The following EFNB3 variants were observed in gnomAD, a reference collection of about 807,000 sequenced individuals.
The protein encoded by EFNB3 is ephrin B3, also known as ephrin-B3.
In EFNB3, 14 loss-of-function variants were observed where a neutral mutation model predicts 29.8. That is an observed-to-expected ratio of 0.47 (90% CI 0.31 to 0.73). EFNB3 has a LOEUF of 0.73. EFNB3 is among the 30% of genes least tolerant of loss of function. EFNB3 has a pLI of 0.05. For missense variants in EFNB3, 408 were observed against 458.0 expected (o/e 0.89, Z 1.00); for synonymous variants, 216 against 191.6 (o/e 1.13, Z -1.05).
rs772626898 is a variant in EFNB3, at chr17:7,708,560, G to A, written c.508+33G>A. The A allele has an allele frequency of 8.7e-6, 14 of 1,607,066 alleles. 1 individual carries two copies. Among genetic ancestry groups the A allele is most frequent in the South Asian group, 1.1e-5 (1 of 89,746 alleles). On this transcript the variant is annotated intron_variant, in intron 3 of 4. Coordinates refer to ENST00000226091, the MANE Select transcript of EFNB3 (RefSeq NM_001406.4). This position sits in a 1 kb window ranked among gnomAD's most constrained non-coding sequence, Gnocchi z 6.8. ...GGGCTGGGGGACACCTCCTGGGCAC[G>A]AAGGGACGTTGGGGCAGTACGATCA... is the stretch of plus-strand genomic sequence containing the variant.
intron 1 of EFNB3, 96 bp from the exon 2 acceptor site, chr17:7,707,862 T>C: frequency 7.2e-7 from 1 of 1,398,228 alleles, no homozygotes; most frequent in South Asian, 1.4e-5. Flanking sequence ...GAGCTGAGAA[T>C]TGCTGTCCTG....
rs1304772158 is a variant in EFNB3, at chr17:7,709,146, CCTT to C, written c.614-19_614-17del. The C allele has an allele frequency of 1.3e-6, 2 of 1,593,046 alleles. No individual in the cohort carries two copies. Among genetic ancestry groups the C allele is most frequent in the Admixed American group, 1.8e-5 (1 of 56,588 alleles). On this transcript the variant is annotated intron_variant, in intron 4 of 4. Transcript: ENST00000226091. The surrounding 1 kb of genome is among the most constrained non-coding windows in gnomAD (Gnocchi z 4.5). ...CCTTCAGTCCCTCCCCCTCTTTCCT[CCTT>C]CACCCCTTCCCTGCCAGGTGACCCC...
chr17:7,709,252 G>A lies in EFNB3; in HGVS notation c.699G>A (p.Gly233=), dbSNP rs968731035. ...TGCCTGCAGTGGCTGGGGCAGCAGG[G>A]GGGCTGGCGCTGCTCTTGCTGGGCG... The part of the protein sequence containing the change: ...PSMPAVAGAA[G]GLALLLLGVA... Residue 233 remains glycine, a synonymous_variant, in exon 5 of 5, where the codon GGG becomes GGA. Coordinates refer to ENST00000226091, the MANE Select transcript of EFNB3 (RefSeq NM_001406.4). This position sits in a 1 kb window ranked among gnomAD's most constrained non-coding sequence, Gnocchi z 4.5. The A allele has an allele frequency of 1.3e-6, 2 of 1,593,798 alleles. No individual in the cohort carries two copies. The highest frequency in any genetic ancestry group is 8.5e-7 in the Non-Finnish European group (1 of 1,174,332).
intron 1 of EFNB3, among the ~76,000 whole-genome samples, chr17:7,706,413 T>C (rs574332591): frequency 3.3e-5 from 5 of 152,194 alleles, no homozygotes; most frequent in Non-Finnish European, 7.4e-5. Context: ...CCCCCAATCT[T>C]TGCTGCAAAC....
chr17:7,708,671 C>T lies in EFNB3; in HGVS notation c.545C>T (p.Ser182Phe). The change falls in exon 4 of 5, where the codon TCT becomes TTT. Residue 182 changes from serine (S) to phenylalanine (F), a missense_variant. By Grantham distance (155) the Ser-to-Phe change is radical (BLOSUM62 -2). Coordinates refer to ENST00000226091, the MANE Select transcript of EFNB3 (RefSeq NM_001406.4). The surrounding 1 kb of genome is among the most constrained non-coding windows in gnomAD (Gnocchi z 6.8). ...GGGGCTGTCCCCCGAAAACCTGTGT[C>T]TGAAATGCCCATGGAAAGAGACCGA... ...RGGAVPRKPV[S>F]EMPMERDRGA... 1 of 1,581,278 alleles carries T rather than the reference C, an allele frequency of 6.3e-7. No individual in the cohort carries two copies. Among genetic ancestry groups the T allele is most frequent in the South Asian group, 1.2e-5 (1 of 86,504 alleles).
chr17:7,706,556 C>G (rs757195818), intron 1 of EFNB3, among the ~76,000 whole-genome samples: 4 of 152,162 alleles, frequency 2.6e-5, no homozygotes, highest in African/African-American at 9.7e-5. Flanking sequence ...TGCCTACATG[C>G]GGATCCCACT....
In EFNB3 at chr17:7,708,106, C is replaced by G; in HGVS notation, c.271C>G (p.Arg91Gly). ...LYLVGGAQGR[R>G]CEAPPAPNLL... Reference sequence around the variant, plus strand: ...CCTGGTAGGGGGTGCTCAGGGCCGGCGCTGTGAGGCACCCCCTGCCCCAAA... The same window carrying G: ...CCTGGTAGGGGGTGCTCAGGGCCGGGGCTGTGAGGCACCCCCTGCCCCAAA... Residue 91 changes from arginine (R) to glycine (G), a missense_variant, in exon 2 of 5, where the codon CGC becomes GGC. Coordinates refer to ENST00000226091, the MANE Select transcript of EFNB3 (RefSeq NM_001406.4). The surrounding 1 kb of genome is among the most constrained non-coding windows in gnomAD (Gnocchi z 6.8). The G allele has an allele frequency of 6.2e-7, 1 of 1,614,096 alleles. No individual in the cohort carries two copies. Among genetic ancestry groups the G allele is most frequent in the Non-Finnish European group, 8.5e-7 (1 of 1,180,010 alleles).
chr17:7,709,077 C>T lies in EFNB3; in HGVS notation c.614-90C>T, dbSNP rs2074338701. On this transcript the variant is annotated intron_variant, in intron 4 of 4. Coordinates refer to ENST00000226091, the MANE Select transcript of EFNB3 (RefSeq NM_001406.4). This position sits in a 1 kb window ranked among gnomAD's most constrained non-coding sequence, Gnocchi z 4.5. ...GGGGCCTGGGCGCTACAAGGGAAGC[C>T]CATGGGGACCCCCAGGGTTGGGTGT... 1.5e-6 allele frequency: 2 copies of T among 1,343,044 alleles called. No homozygotes were observed. The highest frequency in any genetic ancestry group is 5.0e-4 in the Middle Eastern group (2 of 3,974). 83.2% of individuals were successfully genotyped at this position (1,343,044 alleles called of 1,614,324 possible).
chr17:7,706,218 C>G (rs2074327274), intron 1 of EFNB3, among the ~76,000 whole-genome samples: 1 of 151,188 alleles, frequency 6.6e-6, no homozygotes, highest in Non-Finnish European at 1.5e-5. Flanking sequence ...CTCCTTGACT[C>G]TCTTCACAGT....
At position 7,709,538 on chromosome 17, in the gene EFNB3, C is replaced by T. The variant is rs532773147; in HGVS notation, c.985C>T (p.Pro329Ser). ...TCCTGTGTATATCGTGCAGGATGGG[C>T]CCCCCCAGAGCCCTCCAAACATCTA... ...GHPVYIVQDGPPQSPPNIYYK... is the reference protein window; with the variant it reads ...GHPVYIVQDGSPQSPPNIYYK... The change falls in exon 5 of 5, where the codon CCC (proline) becomes TCC (serine). Residue 329 changes from proline (P) to serine (S), a missense_variant. Coordinates refer to ENST00000226091, the MANE Select transcript of EFNB3 (RefSeq NM_001406.4). The surrounding 1 kb of genome is among the most constrained non-coding windows in gnomAD (Gnocchi z 4.5). The T allele has an allele frequency of 5.9e-5, 96 of 1,613,530 alleles. 1 individual carries two copies. Among genetic ancestry groups the T allele is most frequent in the Admixed American group, 5.5e-4 (33 of 59,972 alleles).
chr17:7,705,891 C>T lies in EFNB3; in HGVS notation c.122+171C>T, dbSNP rs2074326154. Among the ~76,000 whole-genome samples, 1 of 151,474 alleles carries T rather than the reference C, an allele frequency of 6.6e-6. No homozygotes were observed. Among genetic ancestry groups the T allele is most frequent in the South Asian group, 2.1e-4 (1 of 4,774 alleles). ...TGATCTTGGGAGCCAGACTCCGGGT[C>T]CCACGCAGAGCTGGATGCGGGTGGT... On this transcript the variant is annotated intron_variant, in intron 1 of 4. Coordinates refer to ENST00000226091, the MANE Select transcript of EFNB3 (RefSeq NM_001406.4). The surrounding 1 kb of genome is among the most constrained non-coding windows in gnomAD (Gnocchi z 5.4).
At position 7,709,561 on chromosome 17, in the gene EFNB3, C is replaced by G. The variant is rs1234212630; in HGVS notation, c.1008C>G (p.Ile336Met). 6.2e-7 allele frequency: 1 copy of G among 1,613,970 alleles called. No individual in the cohort carries two copies. The highest frequency in any genetic ancestry group is 1.7e-5 in the Admixed American group (1 of 60,010). The change falls in exon 5 of 5, where the codon ATC becomes ATG. Residue 336 changes from isoleucine to methionine, a missense_variant. By Grantham distance (10) the Ile-to-Met change is conservative. Coordinates refer to ENST00000226091, the MANE Select transcript of EFNB3 (RefSeq NM_001406.4). The surrounding 1 kb of genome is among the most constrained non-coding windows in gnomAD (Gnocchi z 4.5). ...GGCCCCCCCAGAGCCCTCCAAACAT[C>G]TACTACAAGGTATGAGGGCTCCTCT... ...QDGPPQSPPN[I>M]YYKV is the part of the protein sequence containing the mutation.
chr17:7,707,953 C>T lies in EFNB3; in HGVS notation c.123-5C>T. 6.2e-7 allele frequency: 1 copy of T among 1,604,268 alleles called. No individual in the cohort carries two copies. Among genetic ancestry groups the T allele is most frequent in the Middle Eastern group, 1.7e-4 (1 of 5,988 alleles). On this transcript the variant is annotated splice_region_variant and splice_polypyrimidine_tract_variant and intron_variant, in intron 1 of 4. Coordinates refer to ENST00000226091, the MANE Select transcript of EFNB3 (RefSeq NM_001406.4). The stretch of plus-strand genomic sequence containing the variant: ...TCCTTGTCCACCTTACCCTCCTCCC[C>T]ATAGGTTCCAGGCAGAGGGTGGTTA...
rs1405508529 is a variant in EFNB3, at chr17:7,707,284, C to A, written c.123-674C>A. On this transcript the variant is annotated intron_variant, in intron 1 of 4. Coordinates refer to ENST00000226091, the MANE Select transcript of EFNB3 (RefSeq NM_001406.4). Reference sequence around the variant, plus strand: ...AAGTCAACTCCTTTCCTTTCCAAAGCAATAGAGCACTTGCCCCAGAAGTCT... The same window carrying A: ...AAGTCAACTCCTTTCCTTTCCAAAGAAATAGAGCACTTGCCCCAGAAGTCT... 2.0e-5 allele frequency among the ~76,000 whole-genome samples: 3 copies of A among 152,146 alleles called. No homozygotes were observed. The East Asian group carries it at 5.8e-4, about 29-fold the overall frequency.
rs1325873251 is a variant in EFNB3, at chr17:7,708,493, C to G, written c.474C>G (p.Thr158=). The change falls in exon 3 of 5, where the codon ACC becomes ACG. Residue 158 remains threonine (T), a synonymous_variant. Coordinates refer to ENST00000226091, the MANE Select transcript of EFNB3 (RefSeq NM_001406.4). The surrounding 1 kb of genome is among the most constrained non-coding windows in gnomAD (Gnocchi z 6.8). ...GCCTGCAGGGAGGTGTGTGCCTAAC[C>G]AGAGGCATGAAGGTGCTTCTCCGAG... The part of the protein sequence containing the change: ...LESLQGGVCL[T]RGMKVLLRVG... The G allele has an allele frequency of 1.9e-6, 3 of 1,613,980 alleles. No homozygotes were observed. In the Admixed American group the frequency reaches 5.0e-5, roughly 27 times the overall value.
chr17:7,705,639 G>T lies in EFNB3; in HGVS notation c.41G>T (p.Gly14Val). 1.3e-6 allele frequency: 2 copies of T among 1,518,216 alleles called. No individual in the cohort carries two copies. The highest frequency in any genetic ancestry group is 2.6e-5 in the South Asian group (2 of 77,760). 94.0% of individuals were successfully genotyped at this position (1,518,216 alleles called of 1,614,324 possible). ...TCTGGGCCGGGGGGCGTGCGAGTCG[G>T]GGCCCTGCTGCTGCTGGGGGTTTTG... is the stretch of plus-strand genomic sequence containing the variant. The part of the protein sequence containing the change: ...PHSGPGGVRV[G>V]ALLLLGVLGL... Residue 14 changes from glycine (G) to valine (V), a missense_variant, in exon 1 of 5, where the codon GGG (glycine) becomes GTG (valine). By Grantham distance (109) the Gly-to-Val change is moderately radical. Transcript: ENST00000226091. This position sits in a 1 kb window ranked among gnomAD's most constrained non-coding sequence, Gnocchi z 5.4.
chr17:7,706,965 A>G (rs1006399254), intron 1 of EFNB3, among the ~76,000 whole-genome samples: 5 of 152,152 alleles, frequency 3.3e-5, no homozygotes, highest in African/African-American at 1.2e-4. Context: ...CCCAGCTGCA[A>G]TGTGAGTATC....
Position 7,708,120 on chromosome 17 carries a change from C to G in EFNB3, c.285C>G (p.Pro95=), listed in dbSNP as rs1293027863. The stretch of plus-strand genomic sequence containing the variant: ...CTCAGGGCCGGCGCTGTGAGGCACC[C>G]CCTGCCCCAAACCTCCTTCTCACTT... ...GGAQGRRCEA[P]PAPNLLLTCD... is the part of the protein sequence containing the mutation. The change falls in exon 2 of 5, where the codon CCC becomes CCG. Residue 95 remains proline (P), a synonymous_variant. Transcript: ENST00000226091. The surrounding 1 kb of genome is among the most constrained non-coding windows in gnomAD (Gnocchi z 6.8). The G allele has an allele frequency of 3.1e-6, 5 of 1,614,018 alleles. No homozygotes were observed. Among genetic ancestry groups the G allele is most frequent in the Non-Finnish European group, 4.2e-6 (5 of 1,180,026 alleles).
chr17:7,709,192 C>T lies in EFNB3; in HGVS notation c.639C>T (p.Ser213=), dbSNP rs1036161331. Residue 213 remains serine, a synonymous_variant, in exon 5 of 5, where the codon TCC becomes TCT. Transcript: ENST00000226091. The surrounding 1 kb of genome is among the most constrained non-coding windows in gnomAD (Gnocchi z 4.5). ...GTGACCCCACCAGCAATGCAACCTC[C>T]CGGGGTGCTGAAGGCCCCCTGCCCC... is the stretch of plus-strand genomic sequence containing the variant. ...LPGDPTSNAT[S]RGAEGPLPPP... 4 of 1,604,080 alleles carry T rather than the reference C, an allele frequency of 2.5e-6. No homozygotes were observed. The highest frequency in any genetic ancestry group is 3.4e-5 in the Admixed American group (2 of 58,558).
Sources: allele counts gnomAD v4.1 joint callset (sites outside exome capture counted in the v4.1 genomes callset), GRCh38; gene constraint gnomAD v4.1.1; non-coding constraint Gnocchi (gnomAD v3.1); transcripts MANE v1.5; gene names NCBI Gene and HGNC (gene_info 2026-07-23, HGNC 2026-07-21).